The following GPR17 variants were observed in gnomAD, a reference collection of about 807,000 sequenced individuals.
GPR17 encodes uracil nucleotide/cysteinyl leukotriene receptor.
A neutral mutation model predicts 1.5 loss-of-function variants in GPR17; 4 were observed. That is an observed-to-expected ratio of 2.73 (90% CI 1.35 to 6.25). The LOEUF (loss-of-function observed/expected upper bound fraction) is 6.25. Ranked by LOEUF, GPR17 falls within the 30% of genes most tolerant of loss-of-function variation. The pLI, the probability that GPR17 is intolerant of heterozygous loss-of-function variation, is 0.00. For missense variants in GPR17, 463 were observed against 462.1 expected, an observed-to-expected ratio of 1.00 and a Z score of -0.02; for synonymous variants, 209 against 207.6, an observed-to-expected ratio of 1.01 and a Z score of -0.06.
chr2:127,646,309 G>A (rs1315407745), intron 1 of GPR17, 65 bp downstream of exon 1: 2 of 152,276 alleles, frequency 1.3e-5, no homozygotes, highest in Non-Finnish European at 2.9e-5. Context: ...CACTCAGCGG[G>A]GAGCCCTGCC....
intron 1 of GPR17, chr2:127,646,735 C>T (rs1344286252): frequency 6.5e-6 from 1 of 152,906 alleles, no homozygotes; most frequent in Non-Finnish European, 1.5e-5. Context: ...CTGCCCAGGC[C>T]CCGGCCCATG....
chr2:127,649,781 C>A (rs1683512856), intron 1 of GPR17, among the ~76,000 whole-genome samples: 1 of 152,252 alleles, frequency 6.6e-6, no homozygotes. Flanking sequence ...GGGCTCTGCA[C>A]TTGGCCTTCA....
chr2:127,647,752 G>C lies in GPR17; in HGVS notation c.-21+1508G>C, dbSNP rs146444396. ...CCTGTGTGCCCCTCCCATCTACCAT[G>C]GGCTGTCCTCTCTGCTTGCCCATGC... On this transcript the variant is annotated intron_variant, in intron 1 of 1. Transcript: ENST00000486700. This position sits in a 1 kb window ranked among gnomAD's most constrained non-coding sequence, Gnocchi z 4.3. 1.7e-3 allele frequency among the ~76,000 whole-genome samples: 252 copies of C among 152,060 alleles called. 3 individuals are homozygous for C. Among genetic ancestry groups the C allele is most frequent in the African/African-American group, 5.7e-3 (238 of 41,458 alleles).
intron 1 of GPR17, 75 bp from the exon 2 acceptor site, chr2:127,650,641 G>C: frequency 8.5e-6 from 9 of 1,059,566 alleles, no homozygotes; most frequent in East Asian, 2.4e-5. Flanking sequence ...TTGGAGGCCT[G>C]ACTTCTGGAC....
chr2:127,649,867 C>A, intron 1 of GPR17: 1 of 697,844 alleles, frequency 1.4e-6, no homozygotes, highest in Non-Finnish European at 2.4e-6. Context: ...GCCAGTGTCT[C>A]TGACGCTGGG....
chr2:127,649,958 G>GC, intron 1 of GPR17: 1 of 1,468,648 alleles, frequency 6.8e-7, no homozygotes, highest in Non-Finnish European at 9.4e-7. Context: ...CTCCCAGCTG[G>GC]CCTGATACCC....
At chr2:127,649,113 AAAT>A (rs1171709380) in intron 1 of GPR17, among the ~76,000 whole-genome samples, 1 of 151,136 alleles carries the variant, frequency 6.6e-6, no homozygotes, top group African/African-American at 2.4e-5. Context: ...GAAAAAAGGA[AAAT>A]AAAGAAAAGC....
chr2:127,649,415 G>A (rs915930530), intron 1 of GPR17, among the ~76,000 whole-genome samples: 3 of 152,236 alleles, frequency 2.0e-5, no homozygotes, highest in African/African-American at 7.2e-5. Flanking sequence ...GGCTGTGCAG[G>A]GTGGGGATGG....
At position 127,651,894 on chromosome 2, in the gene GPR17, C is replaced by G; in HGVS notation, c.*139C>G. The G allele has an allele frequency of 2.6e-6, 2 of 773,658 alleles. No homozygotes were observed. The highest frequency in any genetic ancestry group is 3.6e-5 in the South Asian group (2 of 54,928). The allele number at this position is 773,658 out of a possible 1,614,324, so 47.9% of individuals were successfully genotyped here. The stretch of plus-strand genomic sequence containing the variant: ...GATGCCCACCATTTCTCTAGATCGC[C>G]TAGTCTCAACCCATAAAAAGGAAGA... On this transcript the variant is annotated 3_prime_UTR_variant, in exon 2 of 2. Transcript: ENST00000486700.
In GPR17 at chr2:127,647,173, C is replaced by A. The variant is rs1183993163; in HGVS notation, c.-21+929C>A. 1.3e-5 allele frequency among the ~76,000 whole-genome samples: 2 copies of A among 152,222 alleles called. No homozygotes were observed. Among genetic ancestry groups the A allele is most frequent in the Non-Finnish European group, 2.9e-5 (2 of 68,028 alleles). On this transcript the variant is annotated intron_variant, in intron 1 of 1. Coordinates refer to ENST00000486700, the MANE Select transcript of GPR17 (RefSeq NM_001161417.2). The surrounding 1 kb of genome is among the most constrained non-coding windows in gnomAD (Gnocchi z 4.3). ...CTGCCGTCACTGTCCTGAAACTCTTCCTTTTTGAGCAAGGGGCTGCACATT... is the reference window on the plus strand; with the variant it reads ...CTGCCGTCACTGTCCTGAAACTCTTACTTTTTGAGCAAGGGGCTGCACATT...
Position 127,652,080 on chromosome 2 carries a change from C to T in GPR17, c.*325C>T. 1 of 357,364 alleles carries T rather than the reference C, an allele frequency of 2.8e-6. No homozygotes were observed. Among genetic ancestry groups the T allele is most frequent in the South Asian group, 5.7e-5 (1 of 17,534 alleles). The allele number at this position is 357,364 out of a possible 1,614,324, so 22.1% of individuals were successfully genotyped here. ...TTCTTTCCCGCTAGGCTCCCAGCCT[C>T]CTTCCCGCTACAGAATCGCTCATCG... is the stretch of plus-strand genomic sequence containing the variant. On this transcript the variant is annotated 3_prime_UTR_variant, in exon 2 of 2. Transcript: ENST00000486700.
At position 127,651,040 on chromosome 2, in the gene GPR17, T is replaced by C. The variant is rs1329413553; in HGVS notation, c.305T>C (p.Ile102Thr). The C allele has an allele frequency of 6.2e-7, 1 of 1,613,678 alleles. No homozygotes were observed. Among genetic ancestry groups the C allele is most frequent in the East Asian group, 2.2e-5 (1 of 44,880 alleles). ...FSGNHWPFGEIACRLTGFLFY... is the reference protein window; with the variant it reads ...FSGNHWPFGETACRLTGFLFY... ...GGGAACCACTGGCCATTTGGGGAAA[T>C]CGCATGCCGTCTCACCGGCTTCCTC... The change falls in exon 2 of 2, where the codon ATC becomes ACC. Residue 102 changes from isoleucine (I) to threonine (T), a missense_variant. Transcript: ENST00000486700.
chr2:127,650,864 C>A lies in GPR17; in HGVS notation c.129C>A (p.Ile43=). 1 of 1,614,154 alleles carries A rather than the reference C, an allele frequency of 6.2e-7. No homozygotes were observed. Among genetic ancestry groups the A allele is most frequent in the South Asian group, 1.1e-5 (1 of 91,088 alleles). The change falls in exon 2 of 2, where the codon ATC becomes ATA. Residue 43 remains isoleucine (I), a synonymous_variant. Transcript: ENST00000486700. ...CCTCCTTCTACCTTCTGGATTTTAT[C>A]CTGGCTTTAGTTGGCAATACCCTGG... ...LFASFYLLDF[I]LALVGNTLAL...
rs1390430510 is a variant in GPR17, at chr2:127,647,036, C to T, written c.-21+792C>T. The stretch of plus-strand genomic sequence containing the variant: ...TTCGGCCCGGGCAGGAAGTGGAGGG[C>T]AGTGCCCAGGCTGAGGCCCCCGGGC... On this transcript the variant is annotated intron_variant, in intron 1 of 1. Transcript: ENST00000486700. The surrounding 1 kb of genome is among the most constrained non-coding windows in gnomAD (Gnocchi z 4.3). Among the ~76,000 whole-genome samples the T allele has an allele frequency of 1.3e-5, 2 of 152,072 alleles. No individual in the cohort carries two copies. The highest frequency in any genetic ancestry group is 2.9e-5 in the Non-Finnish European group (2 of 67,996).
chr2:127,650,678 C>T lies in GPR17; in HGVS notation c.-20-38C>T, dbSNP rs200149080. ...TCAGAGAGCGTGAAGCTGCCTAGAT[C>T]GCAAGCTCATTGTGAACTGTTTGCT... is the stretch of plus-strand genomic sequence containing the variant. On this transcript the variant is annotated intron_variant, in intron 1 of 1. Coordinates refer to ENST00000486700, the MANE Select transcript of GPR17 (RefSeq NM_001161417.2). 8.7e-4 allele frequency: 1,249 copies of T among 1,436,600 alleles called. 11 individuals carry two copies. Among genetic ancestry groups the T allele is most frequent in the Middle Eastern group, 7.2e-4 (4 of 5,562 alleles). The allele number at this position is 1,436,600 out of a possible 1,614,324, so 89.0% of individuals were successfully genotyped here.
Position 127,651,714 on chromosome 2 carries a change from A to G in GPR17, c.979A>G (p.Lys327Glu). The G allele has an allele frequency of 1.2e-6, 2 of 1,613,024 alleles. No individual in the cohort carries two copies. The highest frequency in any genetic ancestry group is 1.7e-6 in the Non-Finnish European group (2 of 1,179,990). ...GGGCCCGCCCCCCAGCTTCGAAGGG[A>G]AAACCAACGAGAGCTCGCTGAGTGC... is the stretch of plus-strand genomic sequence containing the variant. ...LKGPPPSFEG[K>E]TNESSLSAKS... is the part of the protein sequence containing the mutation. Residue 327 changes from lysine to glutamate, a missense_variant, in exon 2 of 2, where the codon AAA becomes GAA. Lys to Glu is a moderately conservative substitution (Grantham distance 56). Transcript: ENST00000486700.
chr2:127,649,600 G>A (rs11680470), intron 1 of GPR17, among the ~76,000 whole-genome samples: 53,040 of 152,204 alleles, frequency 0.35, 9,801 homozygotes, highest in Non-Finnish European at 0.41. Context: ...ACTGCCACTC[G>A]CAGGCCTGGG....
rs1683096067 is a variant in GPR17 at position 127,647,292 on chromosome 2, G to A, written c.-21+1048G>A. ...GAGACAACTCCATGGCAAACTCTGA[G>A]ACTGAGTCACACTCCCCACCCTGGC... is the stretch of plus-strand genomic sequence containing the variant. On this transcript the variant is annotated intron_variant, in intron 1 of 1. Coordinates refer to ENST00000486700, the MANE Select transcript of GPR17 (RefSeq NM_001161417.2). This position sits in a 1 kb window ranked among gnomAD's most constrained non-coding sequence, Gnocchi z 4.3. Among the ~76,000 whole-genome samples, 2 of 152,276 alleles carry A rather than the reference G, an allele frequency of 1.3e-5. No individual in the cohort carries two copies. Among genetic ancestry groups the A allele is most frequent in the Admixed American group, 6.5e-5 (1 of 15,306 alleles).
Position 127,650,836 on chromosome 2 carries a change from T to C in GPR17, c.101T>C (p.Phe34Ser). 6.2e-7 allele frequency: 1 copy of C among 1,614,132 alleles called. No homozygotes were observed. Among genetic ancestry groups the C allele is most frequent in the Non-Finnish European group, 8.5e-7 (1 of 1,179,994 alleles). ...GQETPLENML[F>S]ASFYLLDFIL... Reference sequence around the variant, plus strand: ...GAGACGCCACTGGAGAACATGCTGTTCGCCTCCTTCTACCTTCTGGATTTT... The same window carrying C: ...GAGACGCCACTGGAGAACATGCTGTCCGCCTCCTTCTACCTTCTGGATTTT... The change falls in exon 2 of 2, where the codon TTC (phenylalanine) becomes TCC (serine). Residue 34 changes from phenylalanine to serine, a missense_variant. Transcript: ENST00000486700.
Sources: gnomAD v4.1 joint callset for allele counts (sites outside exome capture counted in the v4.1 genomes callset) on GRCh38, gnomAD v4.1.1 for gene constraint, Gnocchi (gnomAD v3.1) non-coding constraint, MANE v1.5 for transcripts, NCBI Gene and HGNC (gene_info 2026-07-23, HGNC 2026-07-21) for gene names.